Variants in MMS22L observed in about 807,000 individuals in gnomAD.
MMS22L encodes MMS22 like, DNA repair protein.
A neutral mutation model predicts 159.1 loss-of-function variants in MMS22L; 74 were observed. The ratio of observed to expected loss-of-function variants is 0.47; its 90% CI spans 0.39 to 0.56. The LOEUF is 0.56. Ranked by LOEUF, MMS22L falls within the 20% of genes least tolerant of loss-of-function variation. The pLI is 0.00. For missense variants in MMS22L, 1,351 were observed against 1,422.1 expected (o/e 0.95, Z 0.80); for synonymous variants, 517 against 506.9 (o/e 1.02, Z -0.27).
Position 97,254,648 on chromosome 6 carries a change from T to G in MMS22L, c.1028A>C (p.Gln343Pro). 8 of 1,613,580 alleles carry G rather than the reference T, an allele frequency of 5.0e-6. No individual in the cohort carries two copies. The highest frequency in any genetic ancestry group is 5.9e-6 in the Non-Finnish European group (7 of 1,179,712). The change falls in exon 10 of 25, where the codon CAG (glutamine) becomes CCG (proline). Residue 343 changes from glutamine to proline, a missense_variant. Transcript: ENST00000683635. ...ACTAAAACCTAATGGATCCCTGGAC[T>G]GGATTACAGGCATAGAGGATCTTCT... ...DRRRSSMPVI[Q>P]SRDPLGFSWW...
chr6:97,153,755 A>G (rs1226144748), intron 22 of MMS22L, among the ~76,000 whole-genome samples: 1 of 152,182 alleles, frequency 6.6e-6, no homozygotes, highest in Admixed American at 6.5e-5. Flanking sequence ...TTCACTGAGA[A>G]TAATGTTTTC....
In MMS22L at chr6:97,144,482, G is replaced by GT. The variant is rs370286318; in HGVS notation, c.*2323dup. On this transcript the variant is annotated 3_prime_UTR_variant, in exon 25 of 25. Coordinates refer to ENST00000683635, the MANE Select transcript of MMS22L (RefSeq NM_001350599.2). ...TCAACTGTATATGTAGGAAGGAGCA[G>GT]TACCATTGTGGAAATGATGGGAAGA... 1.4e-3 allele frequency: 206 copies of GT among 152,354 alleles called. 1 individual carries two copies. The highest frequency in any genetic ancestry group is 4.7e-3 in the African/African-American group (194 of 41,572). The allele number at this position is 152,354 out of a possible 1,614,324, so 9.4% of individuals were successfully genotyped here.
intron 14 of MMS22L, among the ~76,000 whole-genome samples, chr6:97,220,548 C>T (rs1809520855): frequency 6.6e-6 from 1 of 151,880 alleles, no homozygotes; most frequent in Non-Finnish European, 1.5e-5. Flanking sequence ...GGAAGGAAGG[C>T]ATTGGAGGCA....
intron 14 of MMS22L, 96 bp from the exon 15 acceptor site, chr6:97,186,786 A>G: frequency 1.2e-6 from 1 of 860,852 alleles, no homozygotes; most frequent in Non-Finnish European, 1.7e-6. Context: ...ATATCATATG[A>G]GAAACATTTT....
intron 14 of MMS22L, among the ~76,000 whole-genome samples, chr6:97,194,970 G>A (rs1806327642): frequency 6.6e-6 from 1 of 152,058 alleles, no homozygotes; most frequent in Admixed American, 6.6e-5. Flanking sequence ...ATTCTAATGA[G>A]AGACAGATAA....
In MMS22L at chr6:97,254,667, A is replaced by T; in HGVS notation, c.1009T>A (p.Ser337Thr). Residue 337 changes from serine to threonine, a missense_variant, in exon 10 of 25, where the codon TCC (serine) becomes ACC (threonine). Ser to Thr is a moderately conservative substitution (Grantham distance 58, BLOSUM62 1). Coordinates refer to ENST00000683635, the MANE Select transcript of MMS22L (RefSeq NM_001350599.2). ...CTGGACTGGATTACAGGCATAGAGG[A>T]TCTTCTTCGGTCACTTGATTTTTCA... ...LLEKSSDRRR[S>T]SMPVIQSRDP... is the part of the protein sequence containing the mutation. 2 of 1,612,484 alleles carry T rather than the reference A, an allele frequency of 1.2e-6. No individual in the cohort carries two copies. The highest frequency in any genetic ancestry group is 1.7e-6 in the Non-Finnish European group (2 of 1,179,480).
chr6:97,231,416 C>T lies in MMS22L; in HGVS notation c.1529+10G>A. 6.3e-7 allele frequency: 1 copy of T among 1,586,792 alleles called. No individual in the cohort carries two copies. ...CAGTGCACACTCATGACAGAAGATA[C>T]TGCATATACCTTCCTTTGACTTGTT... On this transcript the variant is annotated intron_variant, in intron 13 of 24. Transcript: ENST00000683635.
rs1201451891 is a variant in MMS22L at position 97,144,939 on chromosome 6, T to C, written c.*1867A>G. Reference sequence around the variant, plus strand: ...TCCTAAAGCATGATTCAGTAGCAGCTTTTCCTATCCTTTAAACGTTTTCAT... The same window carrying C: ...TCCTAAAGCATGATTCAGTAGCAGCCTTTCCTATCCTTTAAACGTTTTCAT... On this transcript the variant is annotated 3_prime_UTR_variant, in exon 25 of 25. Coordinates refer to ENST00000683635, the MANE Select transcript of MMS22L (RefSeq NM_001350599.2). 2.0e-5 allele frequency: 3 copies of C among 151,568 alleles called. No individual in the cohort carries two copies. Among genetic ancestry groups the C allele is most frequent in the South Asian group, 2.1e-4 (1 of 4,792 alleles). 9.4% of individuals were successfully genotyped at this position (151,568 alleles called of 1,614,324 possible).
Position 97,178,726 on chromosome 6 carries a change from A to G in MMS22L, c.2537-141T>C, listed in dbSNP as rs1363836760. 9 of 426,824 alleles carry G rather than the reference A, an allele frequency of 2.1e-5. No homozygotes were observed. The East Asian group carries it at 3.4e-4, about 16-fold the overall frequency. The allele number at this position is 426,824 out of a possible 1,614,324, so 26.4% of individuals were successfully genotyped here. Reference sequence around the variant, plus strand: ...ATGACATGCTTTCTTTTAAAATTCAAATTTCCACACAAGGACTTCAAATTA... The same window carrying G: ...ATGACATGCTTTCTTTTAAAATTCAGATTTCCACACAAGGACTTCAAATTA... On this transcript the variant is annotated intron_variant, in intron 17 of 24. Coordinates refer to ENST00000683635, the MANE Select transcript of MMS22L (RefSeq NM_001350599.2).
intron 9 of MMS22L, 64 bp from the exon 10 acceptor site, chr6:97,254,797 T>C (rs541753154): frequency 2.4e-4 from 316 of 1,329,190 alleles, no homozygotes; most frequent in Non-Finnish European, 3.1e-4. Flanking sequence ...TTTCGTGGTT[T>C]TTCTCTATTT....
chr6:97,157,194 C>T (rs1801949034), intron 22 of MMS22L, among the ~76,000 whole-genome samples: 1 of 152,154 alleles, frequency 6.6e-6, no homozygotes, highest in Non-Finnish European at 1.5e-5. Flanking sequence ...GCTGAAGTGG[C>T]TTATCAGCTT....
chr6:97,162,188 T>G (rs746330656), intron 21 of MMS22L, 23 bp from the exon 22 acceptor site: 1 of 1,579,590 alleles, frequency 6.3e-7, no homozygotes, highest in East Asian at 2.3e-5. Context: ...AAAATTTGTT[T>G]ATTCTCTGCT....
In MMS22L at chr6:97,151,669, T is replaced by C. The variant is rs1165417129; in HGVS notation, c.3482+102A>G. 6.9e-6 allele frequency: 6 copies of C among 867,332 alleles called. No individual in the cohort carries two copies. The African/African-American group carries it at 1.0e-4, about 14-fold the overall frequency. The allele number at this position is 867,332 out of a possible 1,614,324, so 53.7% of individuals were successfully genotyped here. A position where few individuals can be genotyped will look rare whatever the true frequency, so the allele number is the denominator to read the frequency against. On this transcript the variant is annotated intron_variant, in intron 23 of 24. Transcript: ENST00000683635. Reference sequence around the variant, plus strand: ...CAATAATTGAAATACTATAAACAAGTAGTAACACATTATGTTTTGGATAAT... The same window carrying C: ...CAATAATTGAAATACTATAAACAAGCAGTAACACATTATGTTTTGGATAAT...
chr6:97,226,128 C>T (rs1272663538), intron 14 of MMS22L, among the ~76,000 whole-genome samples: 1 of 152,034 alleles, frequency 6.6e-6, no homozygotes, highest in African/African-American at 2.4e-5. Context: ...AACTGGTAAA[C>T]AATACACATT....
At chr6:97,193,137 C>T (rs1307046014) in intron 14 of MMS22L, among the ~76,000 whole-genome samples, 3 of 152,134 alleles carry the variant, frequency 2.0e-5, no homozygotes, top group African/African-American at 7.2e-5. Flanking sequence ...ATACCAGATG[C>T]ATACATGTTA....
intron 19 of MMS22L, 38 bp from the exon 20 acceptor site, chr6:97,168,278 C>A: frequency 6.3e-7 from 1 of 1,581,400 alleles, no homozygotes; most frequent in South Asian, 1.1e-5. Flanking sequence ...TTGTTGTTAT[C>A]CTCTGACCAG....
chr6:97,255,222 A>C (rs1335439084), intron 9 of MMS22L, among the ~76,000 whole-genome samples: 6 of 152,144 alleles, frequency 3.9e-5, no homozygotes, highest in Non-Finnish European at 7.4e-5. Context: ...ACATTTATTC[A>C]ATCTACTATT....
At chr6:97,260,808 C>T (rs1221488481) in intron 9 of MMS22L, 1 of 152,130 alleles carries the variant, frequency 6.6e-6, no homozygotes, top group Non-Finnish European at 1.5e-5. Context: ...TTTGACAATG[C>T]ACCAAAGTCC....
chr6:97,267,997 C>A lies in MMS22L; in HGVS notation c.703G>T (p.Val235Phe). The change falls in exon 8 of 25, where the codon GTT (valine) becomes TTT (phenylalanine). Residue 235 changes from valine to phenylalanine, a missense_variant. Val to Phe is a conservative substitution (Grantham distance 50). Coordinates refer to ENST00000683635, the MANE Select transcript of MMS22L (RefSeq NM_001350599.2). ...TTCATAAACTGATGACCATATACAACTTGTTCTGAAAATGTAATAAAAATA... is the reference window on the plus strand; with the variant it reads ...TTCATAAACTGATGACCATATACAAATTGTTCTGAAAATGTAATAAAAATA... ...LYMLGEKLKQ[V>F]VYGHQFMNLA... 1 of 1,550,954 alleles carries A rather than the reference C, an allele frequency of 6.4e-7. No homozygotes were observed. The highest frequency in any genetic ancestry group is 8.7e-7 in the Non-Finnish European group (1 of 1,151,980).
Sources: gnomAD v4.1 joint callset for allele counts (sites outside exome capture counted in the v4.1 genomes callset) on GRCh38, gnomAD v4.1.1 for gene constraint, MANE v1.5 for transcripts, NCBI Gene and HGNC (gene_info 2026-07-23, HGNC 2026-07-21) for gene names.